MISP: variants seen among roughly 807,000 people sequenced by gnomAD.
MISP encodes the protein mitotic spindle positioning.
A neutral mutation model predicts 49.3 loss-of-function variants in MISP; 51 were observed. The ratio of observed to expected loss-of-function variants is 1.03; its 90% confidence interval spans 0.83 to 1.31. The LOEUF (loss-of-function observed/expected upper bound fraction) is 1.31, where lower values mean the gene tolerates loss of function less well. Ranked by LOEUF, MISP falls within the 50% of genes most tolerant of loss-of-function variation. The probability of loss-of-function intolerance (pLI) is 0.00; values close to 1 mark genes in which losing one functional copy is unlikely to be tolerated. For synonymous variants in MISP, 444 were observed against 392.6 expected, an observed-to-expected ratio of 1.13 and a Z score of -1.55; for missense variants, 1,084 against 935.1, an observed-to-expected ratio of 1.16 and a Z score of -2.08.
At chr19:760,092 A>T in intron 3 of MISP, 53 bp downstream of exon 3, 1 of 1,605,580 alleles carries the variant, frequency 6.2e-7, no homozygotes, top group Non-Finnish European at 8.5e-7. Flanking sequence ...GACAGCCCCT[A>T]TTAGGGCCAC....
upstream of MISP, among the ~76,000 whole-genome samples, chr19:750,268 C>T (rs1367484765): frequency 3.6e-5 from 5 of 137,778 alleles, no homozygotes; most frequent in African/African-American, 1.1e-4. Flanking sequence ...GGTGTGATCT[C>T]GGCTCACTGC....
In MISP at chr19:759,892, T is replaced by C; in HGVS notation, c.1781-17T>C. 2 of 1,613,746 alleles carry C rather than the reference T, an allele frequency of 1.2e-6. No individual in the cohort carries two copies. The highest frequency in any genetic ancestry group is 1.7e-6 in the Non-Finnish European group (2 of 1,179,750). Reference sequence around the variant, plus strand: ...TGACAAATGTTCTAATGTTCTGCCCTCCCTGCTCCCCTACAGGCATCACGG... The same window carrying C: ...TGACAAATGTTCTAATGTTCTGCCCCCCCTGCTCCCCTACAGGCATCACGG... On this transcript the variant is annotated splice_polypyrimidine_tract_variant and intron_variant, in intron 2 of 4. Coordinates refer to ENST00000215582, the MANE Select transcript of MISP (RefSeq NM_173481.4).
chr19:761,709 A>G (rs983731864), intron 4 of MISP, 46 bp downstream of exon 4: 3 of 1,608,920 alleles, frequency 1.9e-6, no homozygotes, highest in Non-Finnish European at 2.6e-6. Context: ...TCCCCCCCAC[A>G]TCTGTGCCCC....
intron 1 of MISP, among the ~76,000 whole-genome samples, chr19:756,151 G>C (rs1356761978): frequency 6.6e-6 from 1 of 152,186 alleles, no homozygotes; most frequent in Non-Finnish European, 1.5e-5. Flanking sequence ...TGGGGTTGCT[G>C]TCAAGCAAGC....
intron 3 of MISP, chr19:760,348 T>A (rs2033652979): frequency 4.5e-6 from 1 of 223,638 alleles, no homozygotes; most frequent in African/African-American, 2.4e-5. Context: ...TTTGTCATCG[T>A]CACCAGCATT....
chr19:750,542 T>A (rs2033446328), upstream of MISP, among the ~76,000 whole-genome samples: 1 of 151,922 alleles, frequency 6.6e-6, no homozygotes, highest in African/African-American at 2.4e-5. Flanking sequence ...AGGGAATTCC[T>A]CCCAGCAGCC....
Position 758,258 on chromosome 19 carries a change from T to G in MISP, c.1312T>G (p.Phe438Val). 6.2e-7 allele frequency: 1 copy of G among 1,613,716 alleles called. No individual in the cohort carries two copies. ...YLSPGTPQLE[F>V]SAFGAFGKPS... ...GAGCCCCGGGACCCCCCAGCTAGAA[T>G]TCTCAGCCTTCGGAGCATTCGGCAA... The change falls in exon 2 of 5, where the codon TTC becomes GTC. Residue 438 changes from phenylalanine to valine, a missense_variant. By Grantham distance (50) the Phe-to-Val change is conservative. Transcript: ENST00000215582.
upstream of MISP, among the ~76,000 whole-genome samples, chr19:749,877 G>C (rs887386712): frequency 6.6e-6 from 1 of 151,918 alleles, no homozygotes; most frequent in Non-Finnish European, 1.5e-5. Flanking sequence ...TGCTGGATTC[G>C]TAGCTGGGGG....
chr19:761,618 C>A lies in MISP; in HGVS notation c.1912-7C>A. On this transcript the variant is annotated splice_polypyrimidine_tract_variant and splice_region_variant and intron_variant, in intron 3 of 4. Transcript: ENST00000215582. ...GGCCTGGGCTGACTTGTGTTCCTTT[C>A]CTGTAGTACGCTGGCATCAACCCCT... 4.3e-6 allele frequency: 7 copies of A among 1,614,080 alleles called. No individual in the cohort carries two copies. The highest frequency in any genetic ancestry group is 5.9e-6 in the Non-Finnish European group (7 of 1,180,006).
rs140717184 is a variant in MISP at position 756,227 on chromosome 19, C to G, written c.-57-663C>G. On this transcript the variant is annotated intron_variant, in intron 1 of 4. Coordinates refer to ENST00000215582, the MANE Select transcript of MISP (RefSeq NM_173481.4). ...TCTCATTCCATCAGCCTAACAAGACCAGCGGGAAGAGGGTCCCATCTTCTG... is the reference window on the plus strand; with the variant it reads ...TCTCATTCCATCAGCCTAACAAGACGAGCGGGAAGAGGGTCCCATCTTCTG... Among the ~76,000 whole-genome samples the G allele has an allele frequency of 9.8e-5, 15 of 152,288 alleles. No homozygotes were observed. In the East Asian group the frequency reaches 2.9e-3, roughly 29 times the overall value.
At chr19:756,606 A>G (rs946841305) in intron 1 of MISP, among the ~76,000 whole-genome samples, 1 of 152,162 alleles carries the variant, frequency 6.6e-6, no homozygotes. Flanking sequence ...AGATTAGACA[A>G]TGGGCTGCTC....
rs2033707651 is a variant in MISP at position 763,521 on chromosome 19, G to A, written c.1971G>A (p.Val657=). ...INSEVLEAIR[V]TRHKNAMAER... ...TGCAGGTCCTGGAAGCCATACGGGT[G>A]ACCCGTCACAAGAACGCCATGGCAG... is the stretch of plus-strand genomic sequence containing the variant. Residue 657 remains valine, a synonymous_variant, in exon 5 of 5, where the codon GTG becomes GTA. Transcript: ENST00000215582. The A allele has an allele frequency of 6.2e-7, 1 of 1,613,962 alleles. No homozygotes were observed. The highest frequency in any genetic ancestry group is 1.7e-5 in the Admixed American group (1 of 60,008).
rs371906123 is a variant in MISP, at chr19:757,516, G to A, written c.570G>A (p.Gln190=). ...PLEENVVDRE[Q]IDFLAARQQF... ...AGGAGAACGTGGTTGACAGGGAGCA[G>A]ATTGACTTCCTGGCAGCGAGACAGC... Residue 190 remains glutamine, a synonymous_variant, in exon 2 of 5, where the codon CAG becomes CAA. Transcript: ENST00000215582. 3.1e-6 allele frequency: 5 copies of A among 1,608,828 alleles called. No homozygotes were observed. Among genetic ancestry groups the A allele is most frequent in the Non-Finnish European group, 4.2e-6 (5 of 1,178,114 alleles).
At chr19:759,795 C>G in intron 2 of MISP, 114 bp from the exon 3 acceptor site, 1 of 1,240,052 alleles carries the variant, frequency 8.1e-7, no homozygotes, top group South Asian at 1.5e-5. Context: ...CCCGGATAGT[C>G]ATCTGCTCTG....
intron 3 of MISP, chr19:760,303 GA>G (rs199785759): frequency 5.5e-6 from 2 of 366,016 alleles, no homozygotes; most frequent in East Asian, 1.1e-4. Context: ...AAGACCAAAG[GA>G]CCAACTCTGC....
At chr19:758,980 T>C (rs1021923035) in intron 2 of MISP, among the ~76,000 whole-genome samples, 2 of 152,252 alleles carry the variant, frequency 1.3e-5, no homozygotes, top group African/African-American at 4.8e-5. Context: ...CGCATAAATG[T>C]TCATATATGT....
intron 2 of MISP, among the ~76,000 whole-genome samples, chr19:759,456 G>A (rs554331694): frequency 6.9e-6 from 1 of 143,994 alleles, no homozygotes; most frequent in East Asian, 2.0e-4. Flanking sequence ...CTGGAGTGCA[G>A]TGGCGCGATC....
chr19:759,785 C>A, intron 2 of MISP, 124 bp from the exon 3 acceptor site: 1 of 1,125,210 alleles, frequency 8.9e-7, no homozygotes, highest in Non-Finnish European at 1.3e-6. Context: ...CTGTCAGTTT[C>A]CCGGATAGTC....
At chr19:755,760 C>T (rs994368935) in intron 1 of MISP, among the ~76,000 whole-genome samples, 2 of 152,068 alleles carry the variant, frequency 1.3e-5, no homozygotes, top group African/African-American at 4.8e-5. Context: ...GGTGAGACCT[C>T]GTCTCTACTA....
Sources: allele counts gnomAD v4.1 joint callset (sites outside exome capture counted in the v4.1 genomes callset), GRCh38; gene constraint gnomAD v4.1.1; transcripts MANE v1.5; gene names NCBI Gene and HGNC (gene_info 2026-07-23, HGNC 2026-07-21).